NPR1: variants seen among roughly 807,000 people sequenced by gnomAD.
NPR1 encodes natriuretic peptide receptor 1, also known as atrial natriuretic peptide receptor 1.
NPR1 carries 57 observed loss-of-function variants against 116.9 expected under a neutral mutation model. The observed-to-expected ratio is 0.49, with a 90% CI of 0.39 to 0.61. NPR1 has a LOEUF of 0.61. Ranked by LOEUF, NPR1 falls within the 20% of genes least tolerant of loss-of-function variation. The pLI is 0.00. For missense variants in NPR1, 1,096 were observed against 1,409.8 expected, an observed-to-expected ratio of 0.78 and a Z score of 3.56; for synonymous variants, 555 against 601.6, an observed-to-expected ratio of 0.92 and a Z score of 1.13.
rs749649180 is a variant in NPR1, at chr1:153,682,486, C to A, written c.1172-12C>A. Reference sequence around the variant, plus strand: ...TTCTCTCAAACATAGTCATCTTCCCCCATGTCCTCAGGTGTGACAGGATAC... The same window carrying A: ...TTCTCTCAAACATAGTCATCTTCCCACATGTCCTCAGGTGTGACAGGATAC... On this transcript the variant is annotated splice_polypyrimidine_tract_variant and intron_variant, in intron 4 of 21. Coordinates refer to ENST00000368680, the MANE Select transcript of NPR1 (RefSeq NM_000906.4). 1 of 1,602,876 alleles carries A rather than the reference C, an allele frequency of 6.2e-7. No individual in the cohort carries two copies. The highest frequency in any genetic ancestry group is 1.1e-5 in the South Asian group (1 of 90,816).
Position 153,679,060 on chromosome 1 carries a change from G to C in NPR1, c.-49G>C. ...ACCGGCCGCTGAGCCCAAGGGGACC[G>C]AGGAGGCCATGGTAGGAGCGCTCGC... On this transcript the variant is annotated 5_prime_UTR_variant, in exon 1 of 22. Coordinates refer to ENST00000368680, the MANE Select transcript of NPR1 (RefSeq NM_000906.4). This position sits in a 1 kb window ranked among gnomAD's most constrained non-coding sequence, Gnocchi z 4.2. The C allele has an allele frequency of 7.2e-7, 1 of 1,387,822 alleles. No individual in the cohort carries two copies. Among genetic ancestry groups the C allele is most frequent in the Non-Finnish European group, 9.3e-7 (1 of 1,080,706 alleles). 86.0% of individuals were successfully genotyped at this position (1,387,822 alleles called of 1,614,324 possible).
chr1:153,680,600 A>G lies in NPR1; in HGVS notation c.821A>G (p.Asp274Gly). Reference protein sequence around the residue: ...CGEDYVFFHLDIFGQSLQGGQ... With the variant: ...CGEDYVFFHLGIFGQSLQGGQ... The stretch of plus-strand genomic sequence containing the variant: ...GAGGACTACGTTTTCTTCCACCTGG[A>G]TATCTTTGGGCAAAGCCTGCAAGGT... Residue 274 changes from aspartate to glycine, a missense_variant, in exon 2 of 22, where the codon GAT (aspartate) becomes GGT (glycine). By Grantham distance (94) the Asp-to-Gly change is moderately conservative (BLOSUM62 -1). Transcript: ENST00000368680. 1 of 1,614,076 alleles carries G rather than the reference A, an allele frequency of 6.2e-7. No individual in the cohort carries two copies. Among genetic ancestry groups the G allele is most frequent in the Non-Finnish European group, 8.5e-7 (1 of 1,180,012 alleles).
chr1:153,681,920 T>C (rs1308566819), intron 4 of NPR1, 81 bp downstream of exon 4: 1 of 1,553,462 alleles, frequency 6.4e-7, no homozygotes, highest in Non-Finnish European at 8.7e-7. Context: ...GAGAAGCCTA[T>C]TGTCCTGCAG....
Position 153,689,858 on chromosome 1 carries a change from A to G in NPR1, c.2810A>G (p.Asn937Ser). 1 of 1,593,750 alleles carries G rather than the reference A, an allele frequency of 6.3e-7. No individual in the cohort carries two copies. Among genetic ancestry groups the G allele is most frequent in the South Asian group, 1.1e-5 (1 of 88,652 alleles). ...GTGGTGTCAGGGCTCCCTGTGCGGA[A>G]CGGGCGGCTACACGCCTGCGAGGTA... ...YMVVSGLPVR[N>S]GRLHACEVAR... The change falls in exon 19 of 22, where the codon AAC becomes AGC. Residue 937 changes from asparagine to serine, a missense_variant. By Grantham distance (46) the Asn-to-Ser change is conservative. Coordinates refer to ENST00000368680, the MANE Select transcript of NPR1 (RefSeq NM_000906.4). The surrounding 1 kb of genome is among the most constrained non-coding windows in gnomAD (Gnocchi z 5.1).
intron 11 of NPR1, 98 bp downstream of exon 11, chr1:153,686,848 C>T (rs1669947514): frequency 1.5e-6 from 2 of 1,292,216 alleles, no homozygotes; most frequent in Admixed American, 1.9e-5. Flanking sequence ...CTCTTTCTGA[C>T]CTTTCTGGCC....
At chr1:153,690,971 A>AAAAAAAACCC (rs1670095690) in intron 20 of NPR1, among the ~76,000 whole-genome samples, 1 of 116,520 alleles carries the variant, frequency 8.6e-6, no homozygotes, top group African/African-American at 3.4e-5. Context: ...AAAAAAAAAG[A>AAAAAAAACCC]CCCTCTGCTC....
intron 20 of NPR1, among the ~76,000 whole-genome samples, chr1:153,692,394 A>G (rs1398782885): frequency 1.3e-5 from 2 of 152,134 alleles, no homozygotes; most frequent in East Asian, 3.8e-4. Flanking sequence ...GCTGTCCAAC[A>G]GGATGTTCCA....
At position 153,693,725 on chromosome 1, in the gene NPR1, C is replaced by T. The variant is rs1670169187; in HGVS notation, c.*311C>T. ...TGTGGATTCCTGATCCCCTCCCCTC[C>T]CCATGCTCTCCTCCCTCAGCCTTGC... On this transcript the variant is annotated 3_prime_UTR_variant, in exon 22 of 22. Transcript: ENST00000368680. 2.5e-6 allele frequency: 1 copy of T among 406,370 alleles called. No individual in the cohort carries two copies. The highest frequency in any genetic ancestry group is 4.4e-5 in the Admixed American group (1 of 22,846). 25.2% of individuals were successfully genotyped at this position (406,370 alleles called of 1,614,324 possible). A position where few individuals can be genotyped will look rare whatever the true frequency, so the allele number is the denominator to read the frequency against.
intron 15 of NPR1, among the ~76,000 whole-genome samples, 198 bp downstream of exon 15, chr1:153,688,419 C>T: frequency 6.6e-6 from 1 of 152,184 alleles, no homozygotes; most frequent in East Asian, 1.9e-4. Flanking sequence ...CCACAGTCCC[C>T]TGCCATTCAT....
In NPR1 at chr1:153,689,091, C is replaced by A; in HGVS notation, c.2556C>A (p.Ile852=). 6.2e-7 allele frequency: 1 copy of A among 1,614,226 alleles called. No individual in the cohort carries two copies. Among genetic ancestry groups the A allele is most frequent in the Non-Finnish European group, 8.5e-7 (1 of 1,180,032 alleles). The change falls in exon 16 of 22, where the codon ATC becomes ATA. Residue 852 remains isoleucine (I), a synonymous_variant. Transcript: ENST00000368680. This position sits in a 1 kb window ranked among gnomAD's most constrained non-coding sequence, Gnocchi z 5.1. ...AGGCTGAGGCCCTGCTCTACCAGAT[C>A]CTGCCTCAGTGAGTGCCTGAGTCTG... ...KRKAEALLYQ[I]LPHSVAEQLK... is the part of the protein sequence containing the mutation.
intron 2 of NPR1, 198 bp downstream of exon 2, chr1:153,680,898 T>G (rs1669754102): frequency 1.6e-6 from 1 of 620,628 alleles, no homozygotes; most frequent in Non-Finnish European, 2.8e-6. Context: ...GGCAGGGGAC[T>G]GCCCAGGGGC....
intron 20 of NPR1, among the ~76,000 whole-genome samples, chr1:153,691,818 G>A (rs1278983805): frequency 1.3e-5 from 2 of 151,538 alleles, no homozygotes; most frequent in South Asian, 2.1e-4. Flanking sequence ...AAAATCACTT[G>A]AACCCAGGAG....
rs774061820 is a variant in NPR1 at position 153,690,339 on chromosome 1, G to A, written c.2988G>A (p.Gly996=). 1.7e-5 allele frequency: 26 copies of A among 1,560,942 alleles called. 1 individual carries two copies. The South Asian group carries it at 3.1e-4, about 18-fold the overall frequency. The part of the protein sequence containing the change: ...GLKMPRYCLF[G]DTVNTASRME... ...AGATGCCCCGTTACTGTCTCTTTGG[G>A]GATACAGTCAACACAGCCTCAAGAA... is the stretch of plus-strand genomic sequence containing the variant. Residue 996 remains glycine (G), a synonymous_variant, in exon 20 of 22, where the codon GGG becomes GGA. Transcript: ENST00000368680.
intron 7 of NPR1, 51 bp downstream of exon 7, chr1:153,683,875 A>C: frequency 6.5e-7 from 1 of 1,547,182 alleles, no homozygotes; most frequent in Non-Finnish European, 8.9e-7. Context: ...CGGAGAACCA[A>C]TAGCAGAGGA....
rs568051422 is a variant in NPR1 at position 153,686,012 on chromosome 1, A to G, written c.1681-111A>G. The G allele has an allele frequency of 3.7e-4, 514 of 1,387,968 alleles. 3 individuals are homozygous for G. In the African/African-American group the frequency reaches 6.7e-3, roughly 18 times the overall value. 86.0% of individuals were successfully genotyped at this position (1,387,968 alleles called of 1,614,324 possible). A position where few individuals can be genotyped will look rare whatever the true frequency, so the allele number is the denominator to read the frequency against. ...CAGATGGGGGCCCTGGGGGTGGGCT[A>G]TTGGGAACAAGTGAGGGTCCTGAGG... is the stretch of plus-strand genomic sequence containing the variant. On this transcript the variant is annotated intron_variant, in intron 9 of 21. Coordinates refer to ENST00000368680, the MANE Select transcript of NPR1 (RefSeq NM_000906.4).
At chr1:153,691,699 C>A (rs1020824991) in intron 20 of NPR1, among the ~76,000 whole-genome samples, 1 of 152,024 alleles carries the variant, frequency 6.6e-6, no homozygotes, top group Non-Finnish European at 1.5e-5. Context: ...GAGTTGGAGA[C>A]TAGCCTGGCC....
At position 153,680,631 on chromosome 1, in the gene NPR1, G is replaced by A. The variant is rs1054233781; in HGVS notation, c.852G>A (p.Gln284=). Residue 284 remains glutamine (Q), a synonymous_variant, in exon 2 of 22, where the codon CAG becomes CAA. Transcript: ENST00000368680. The stretch of plus-strand genomic sequence containing the variant: ...TTGGGCAAAGCCTGCAAGGTGGACA[G>A]GGCCCTGCTCCCCGCAGGCCCTGGG... The part of the protein sequence containing the change: ...DIFGQSLQGG[Q]GPAPRRPWER... 3 of 1,614,188 alleles carry A rather than the reference G, an allele frequency of 1.9e-6. No individual in the cohort carries two copies. The highest frequency in any genetic ancestry group is 1.7e-5 in the Admixed American group (1 of 60,014).
At chr1:153,683,671 A>T in intron 6 of NPR1, 69 bp from the exon 7 acceptor site, 1 of 1,559,876 alleles carries the variant, frequency 6.4e-7, no homozygotes, top group East Asian at 2.2e-5. Flanking sequence ...CTGATGGACT[A>T]TTAGAAAGTT....
chr1:153,682,595 T>G lies in NPR1; in HGVS notation c.1263+6T>G. The G allele has an allele frequency of 6.2e-7, 1 of 1,608,880 alleles. No individual in the cohort carries two copies. Among genetic ancestry groups the G allele is most frequent in the Non-Finnish European group, 8.5e-7 (1 of 1,175,436 alleles). ...CCGAGAATGGTGCCTTCAGGGTAAG[T>G]TTGTGCACCCAGAAGACAGTGCCAA... On this transcript the variant is annotated splice_donor_region_variant and intron_variant, in intron 5 of 21. Transcript: ENST00000368680.
Sources: allele counts gnomAD v4.1 joint callset (sites outside exome capture counted in the v4.1 genomes callset), GRCh38; gene constraint gnomAD v4.1.1; non-coding constraint Gnocchi (gnomAD v3.1); transcripts MANE v1.5; gene names NCBI Gene and HGNC (gene_info 2026-07-23, HGNC 2026-07-21).